Variants in GCFC2 observed in about 807,000 individuals in gnomAD.
GCFC2 encodes the protein GC-rich sequence DNA-binding factor 2, also known as intron Large complex component GCFC2.
In GCFC2, 102 loss-of-function variants were observed where a neutral mutation model predicts 99.4. The ratio of observed to expected loss-of-function variants is 1.03; its 90% confidence interval spans 0.87 to 1.21. The LOEUF is 1.21. Ranked by LOEUF, GCFC2 falls within the 50% of genes most tolerant of loss-of-function variation. The pLI, the probability that GCFC2 is intolerant of heterozygous loss-of-function variation, is 0.00. For missense variants in GCFC2, 973 were observed against 920.9 expected (o/e 1.06, Z -0.73); for synonymous variants, 338 against 316.8 (o/e 1.07, Z -0.71).
intron 1 of GCFC2, 150 bp from the exon 2 acceptor site, chr2:75,706,801 T>C (rs1680890888): frequency 2.1e-6 from 1 of 467,612 alleles, no homozygotes; most frequent in East Asian, 3.3e-5. Context: ...CCTCCAACTT[T>C]CTTTCTTAAG....
At chr2:75,676,280 G>T (rs1013593118) in intron 12 of GCFC2, among the ~76,000 whole-genome samples, 3 of 152,218 alleles carry the variant, frequency 2.0e-5, no homozygotes, top group Admixed American at 2.0e-4. Context: ...GCTGATAGGG[G>T]ATCATTATCT....
chr2:75,665,332 G>C (rs1239527113), intron 16 of GCFC2, among the ~76,000 whole-genome samples: 7 of 151,828 alleles, frequency 4.6e-5, no homozygotes, highest in Admixed American at 3.3e-4. Flanking sequence ...TAAATTTTTT[G>C]TTCTAGAGAC....
chr2:75,683,831 C>A (rs1230208930), intron 11 of GCFC2, among the ~76,000 whole-genome samples: 1 of 149,204 alleles, frequency 6.7e-6, no homozygotes, highest in African/African-American at 2.5e-5. Flanking sequence ...GTCCTAGTCT[C>A]TGATAAAACA....
chr2:75,689,264 T>C (rs1439660841), intron 9 of GCFC2, 39 bp from the exon 10 acceptor site: 1 of 1,175,164 alleles, frequency 8.5e-7, no homozygotes. Flanking sequence ...TTTTAAGTTG[T>C]GAACTTTAAG....
chr2:75,675,753 A>C (rs1166725046), intron 12 of GCFC2, among the ~76,000 whole-genome samples: 6 of 151,358 alleles, frequency 4.0e-5, no homozygotes, highest in African/African-American at 7.3e-5. Context: ...AAAAAAAAAA[A>C]AAAAACAAAA....
chr2:75,696,664 G>C (rs1680339589), intron 4 of GCFC2, among the ~76,000 whole-genome samples: 2 of 152,170 alleles, frequency 1.3e-5, no homozygotes, highest in Non-Finnish European at 1.5e-5. Flanking sequence ...CTGTCTGGCT[G>C]ACCTAACACC....
In GCFC2 at chr2:75,710,702, C is replaced by G. The variant is rs1225536565; in HGVS notation, c.154G>C (p.Ala52Pro). ...CGGTGGGGCAGTCCCGCCACCTGCG[C>G]GCGGCCTCCTCCAGAGGGCGGCTCT... Reference protein sequence around the residue: ...EEEPPSGGGRAQVAGLPHRVR... With the variant: ...EEEPPSGGGRPQVAGLPHRVR... Residue 52 changes from alanine (A) to proline (P), a missense_variant, in exon 1 of 17, where the codon GCG (alanine) becomes CCG (proline). By Grantham distance (27) the Ala-to-Pro change is conservative (BLOSUM62 -1). Transcript: ENST00000321027. 2 of 1,534,020 alleles carry G rather than the reference C, an allele frequency of 1.3e-6. No homozygotes were observed. Among genetic ancestry groups the G allele is most frequent in the South Asian group, 2.4e-5 (2 of 83,086 alleles).
At position 75,701,300 on chromosome 2, in the gene GCFC2, A is replaced by G. The variant is rs758158176; in HGVS notation, c.620-13T>C. 6.0e-6 allele frequency: 9 copies of G among 1,493,776 alleles called. No individual in the cohort carries two copies. The African/African-American group carries it at 1.2e-4, about 21-fold the overall frequency. The allele number at this position is 1,493,776 out of a possible 1,614,324, so 92.5% of individuals were successfully genotyped here. A position where few individuals can be genotyped will look rare whatever the true frequency, so the allele number is the denominator to read the frequency against. On this transcript the variant is annotated splice_polypyrimidine_tract_variant and intron_variant, in intron 3 of 16. Transcript: ENST00000321027. The stretch of plus-strand genomic sequence containing the variant: ...TCATTTCTGCTTACTAGCGGAAAAA[A>G]AGCTCACATGTAAACGTTTAGTATT...
chr2:75,711,410 A>T (rs1372150196), upstream of GCFC2, among the ~76,000 whole-genome samples: 1 of 152,248 alleles, frequency 6.6e-6, no homozygotes, highest in East Asian at 1.9e-4. Context: ...CCCAGGCAGC[A>T]GGGCTTCAAG....
chr2:75,670,856 T>C (rs943976622), intron 14 of GCFC2: 1 of 152,500 alleles, frequency 6.6e-6, no homozygotes, highest in Non-Finnish European at 1.5e-5. Flanking sequence ...TGCAGTACTA[T>C]ATTCATTACT....
upstream of GCFC2, chr2:75,711,213 G>C (rs555816720): frequency 2.0e-6 from 2 of 985,188 alleles, no homozygotes; most frequent in East Asian, 2.3e-4. Context: ...TATGCTTTCC[G>C]TCCTGGACTG....
chr2:75,705,776 A>G (rs1264820122), intron 2 of GCFC2, among the ~76,000 whole-genome samples: 1 of 152,112 alleles, frequency 6.6e-6, no homozygotes, highest in East Asian at 1.9e-4. Context: ...GCTTCACTAG[A>G]CTGAAAAAGG....
intron 6 of GCFC2, 69 bp from the exon 7 acceptor site, chr2:75,692,169 AT>A: frequency 1.1e-5 from 5 of 453,226 alleles, no homozygotes; most frequent in East Asian, 6.1e-5. Flanking sequence ...ATATATATAT[AT>A]AAAAGTAATA....
intron 1 of GCFC2, among the ~76,000 whole-genome samples, chr2:75,706,922 A>G (rs1481264622): frequency 6.6e-6 from 1 of 152,226 alleles, no homozygotes. Flanking sequence ...ATTAGAGAAA[A>G]AAAAAGCGAC....
At chr2:75,706,396 A>G (rs1680864501) in intron 2 of GCFC2, 127 bp downstream of exon 2, 1 of 621,806 alleles carries the variant, frequency 1.6e-6, no homozygotes. Flanking sequence ...CAATTTTGGC[A>G]CTCTGACAAT....
chr2:75,706,704 T>A (rs6728499), intron 1 of GCFC2, 53 bp from the exon 2 acceptor site: 526,496 of 1,245,512 alleles, frequency 0.42, 116,290 homozygotes, highest in African/African-American at 0.73. Context: ...AATGGAATTA[T>A]TAATTGAAAT....
rs1402556673 is a variant in GCFC2, at chr2:75,710,611, G to A, written c.245C>T (p.Pro82Leu). 15 of 1,514,242 alleles carry A rather than the reference G, an allele frequency of 9.9e-6. No homozygotes were observed. The highest frequency in any genetic ancestry group is 4.0e-5 in the Admixed American group (2 of 49,412). The allele number at this position is 1,514,242 out of a possible 1,614,324, so 93.8% of individuals were successfully genotyped here. A position where few individuals can be genotyped will look rare whatever the true frequency, so the allele number is the denominator to read the frequency against. The change falls in exon 1 of 17, where the codon CCC becomes CTC. Residue 82 changes from proline (P) to leucine (L), a missense_variant. Coordinates refer to ENST00000321027, the MANE Select transcript of GCFC2 (RefSeq NM_003203.5). ...GACACCTGAGCCTTCGTCCGCGCGG[G>A]GAGCCGCTTTGGTGGCACGCCGGGA... ...ASSRRATKAA[P>L]RADEGSESRT... is the part of the protein sequence containing the mutation.
chr2:75,678,730 T>G (rs1679450144), intron 12 of GCFC2, among the ~76,000 whole-genome samples: 1 of 152,194 alleles, frequency 6.6e-6, no homozygotes, highest in African/African-American at 2.4e-5. Flanking sequence ...AAAGATTCAT[T>G]TTCTTCATCT....
At chr2:75,697,535 G>C (rs912462165) in intron 4 of GCFC2, 7 of 152,218 alleles carry the variant, frequency 4.6e-5, no homozygotes, top group Non-Finnish European at 8.8e-5. Context: ...CCTGCACAGA[G>C]TTCTGTCACA....
Sources: gnomAD v4.1 joint callset for allele counts (sites outside exome capture counted in the v4.1 genomes callset) on GRCh38, gnomAD v4.1.1 for gene constraint, MANE v1.5 for transcripts, NCBI Gene and HGNC (gene_info 2026-07-23, HGNC 2026-07-21) for gene names.